GTPBP8: variants seen among roughly 807,000 people sequenced by gnomAD.
GTPBP8 encodes the protein GTP binding protein 8, also known as GTP-binding protein 8.
GTPBP8 carries 21 observed loss-of-function variants against 27.3 expected under a neutral mutation model. The ratio of observed to expected loss-of-function variants is 0.77; its 90% confidence interval spans 0.55 to 1.11. The LOEUF (loss-of-function observed/expected upper bound fraction) is 1.11, where lower values mean the gene tolerates loss of function less well. GTPBP8 is among the 50% of genes least tolerant of loss of function. The pLI is 0.00. For synonymous variants in GTPBP8, 147 were observed against 135.3 expected (o/e 1.09, Z -0.60); for missense variants, 380 against 350.8 (o/e 1.08, Z -0.67).
chr3:112,997,555 CATTA>C (rs1387828798), intron 4 of GTPBP8, among the ~76,000 whole-genome samples: 2 of 152,196 alleles, frequency 1.3e-5, no homozygotes, highest in Admixed American at 6.5e-5. Context: ...TTGGTATCCA[CATTA>C]ATTTTGCTTT....
intron 1 of GTPBP8, 145 bp from the exon 2 acceptor site, chr3:112,992,881 A>G (rs554584779): frequency 1.1e-4 from 57 of 528,658 alleles, no homozygotes; most frequent in African/African-American, 1.1e-3. Context: ...GAATAAGAAA[A>G]TATATGCTGA....
chr3:112,994,530 A>G, intron 2 of GTPBP8, among the ~76,000 whole-genome samples: 1 of 152,190 alleles, frequency 6.6e-6, no homozygotes. Context: ...CTGTGCATCA[A>G]TTTTAGTTGC....
At chr3:112,997,051 G>A in intron 4 of GTPBP8, 60 bp downstream of exon 4, 1 of 785,218 alleles carries the variant, frequency 1.3e-6, no homozygotes, top group South Asian at 1.4e-5. Flanking sequence ...GTGCATCTGT[G>A]TGAACATGCA....
In GTPBP8 at chr3:112,994,580, A is replaced by G. The variant is rs142635582; in HGVS notation, c.436-555A>G. On this transcript the variant is annotated intron_variant, in intron 2 of 5. Coordinates refer to ENST00000383678, the MANE Select transcript of GTPBP8 (RefSeq NM_014170.4). The stretch of plus-strand genomic sequence containing the variant: ...ATTATCATGTTGTATATGCAGTAAA[A>G]AATTGTTTAATAAAAGCACTAAAAT... Among the ~76,000 whole-genome samples, 10 of 152,352 alleles carry G rather than the reference A, an allele frequency of 6.6e-5. No homozygotes were observed. The East Asian group carries it at 1.9e-3, about 29-fold the overall frequency.
chr3:113,000,534 G>C (rs1040442592), intron 5 of GTPBP8, among the ~76,000 whole-genome samples: 3 of 152,070 alleles, frequency 2.0e-5, no homozygotes, highest in Non-Finnish European at 2.9e-5. Flanking sequence ...AACCTAAAAA[G>C]TCTAACAAGG....
chr3:112,994,359 G>A (rs1333408466), intron 2 of GTPBP8, among the ~76,000 whole-genome samples: 1 of 151,378 alleles, frequency 6.6e-6, no homozygotes, highest in Admixed American at 6.6e-5. Context: ...GGAGGTGGAG[G>A]TTGCGGTGAG....
intron 1 of GTPBP8, among the ~76,000 whole-genome samples, chr3:112,992,789 G>A (rs41271347): frequency 3.9e-5 from 6 of 152,262 alleles, no homozygotes; most frequent in African/African-American, 4.8e-5. Flanking sequence ...TCACTTTCTA[G>A]CTGTATAATT....
At chr3:112,994,438 A>AG (rs1933747048) in intron 2 of GTPBP8, among the ~76,000 whole-genome samples, 1 of 152,126 alleles carries the variant, frequency 6.6e-6, no homozygotes, top group African/African-American at 2.4e-5. Context: ...AAAAAAAAAA[A>AG]AAAGTTGCCT....
rs1415040788 is a variant in GTPBP8 at position 112,991,174 on chromosome 3, G to GC, written c.180dup (p.Tyr61LeufsTer12). On this transcript the variant is annotated frameshift_variant, in exon 1 of 6. Coordinates refer to ENST00000383678, the MANE Select transcript of GTPBP8 (RefSeq NM_014170.4). LOFTEE classifies it high-confidence loss of function. ...GCTGCAGGAAGTAGAGCGGTTCCTC[G>GC]CCCCCTACGGGAGGCAAGACCTTCA... 3 of 1,614,138 alleles carry GC rather than the reference G, an allele frequency of 1.9e-6. No individual in the cohort carries two copies. The highest frequency in any genetic ancestry group is 2.5e-6 in the Non-Finnish European group (3 of 1,180,012).
chr3:112,999,222 G>A (rs1342088155), intron 4 of GTPBP8, among the ~76,000 whole-genome samples: 1 of 152,166 alleles, frequency 6.6e-6, no homozygotes, highest in Admixed American at 6.5e-5. Flanking sequence ...GCACCATTAA[G>A]CAGCAGACAT....
At chr3:112,993,455 T>C (rs1376387603) in intron 2 of GTPBP8, among the ~76,000 whole-genome samples, 1 of 152,244 alleles carries the variant, frequency 6.6e-6, no homozygotes, top group Non-Finnish European at 1.5e-5. Flanking sequence ...GTACGGTAAA[T>C]GGCTTTTAGG....
intron 4 of GTPBP8, 65 bp from the exon 5 acceptor site, chr3:112,999,381 C>A: frequency 1.7e-6 from 1 of 576,042 alleles, no homozygotes. Context: ...AAAATTATAG[C>A]TAAAATGTGT....
chr3:112,999,256 A>T (rs1430421187), intron 4 of GTPBP8, among the ~76,000 whole-genome samples, 190 bp from the exon 5 acceptor site: 1 of 152,192 alleles, frequency 6.6e-6, no homozygotes, highest in East Asian at 1.9e-4. Flanking sequence ...GATGTGTTTC[A>T]CACATTTGCT....
At chr3:112,991,711 C>G (rs1269488741) in intron 1 of GTPBP8, 1 of 400,940 alleles carries the variant, frequency 2.5e-6, no homozygotes, top group South Asian at 2.0e-5. Context: ...CTCCTTTTTT[C>G]TTCTATTTAA....
chr3:112,999,462 T>C lies in GTPBP8; in HGVS notation c.683T>C (p.Ile228Thr), dbSNP rs556982832. 1.4e-5 allele frequency: 20 copies of C among 1,450,870 alleles called. 1 individual carries two copies. The East Asian group carries it at 4.1e-4, about 30-fold the overall frequency. The allele number at this position is 1,450,870 out of a possible 1,614,324, so 89.9% of individuals were successfully genotyped here. Residue 228 changes from isoleucine (I) to threonine (T), a missense_variant, in exon 5 of 6, where the codon ATT (isoleucine) becomes ACT (threonine). Transcript: ENST00000383678. ...TTCTTATAGATTGTATTAACAAAAA[T>C]TGACAAATCTTCCAAGGGACATCTT... ...ALPYVIVLTKIDKSSKGHLLK... is the reference protein window; with the variant it reads ...ALPYVIVLTKTDKSSKGHLLK...
intron 5 of GTPBP8, among the ~76,000 whole-genome samples, 170 bp downstream of exon 5, chr3:112,999,734 A>G (rs532907822): frequency 2.0e-5 from 3 of 152,172 alleles, no homozygotes; most frequent in African/African-American, 7.2e-5. Flanking sequence ...AGCAGTGTAC[A>G]CTGTACCCTA....
rs1390201741 is a variant in GTPBP8, at chr3:113,000,934, G to C, written c.*15G>C. 3.6e-6 allele frequency: 5 copies of C among 1,381,010 alleles called. No individual in the cohort carries two copies. In the South Asian group the frequency reaches 3.8e-5, roughly 10 times the overall value. 85.5% of individuals were successfully genotyped at this position (1,381,010 alleles called of 1,614,324 possible). ...GTCTTGACTAATGGTTCCCGGTTTA[G>C]CTGAAGATTCAAAAAAAAAAAAAAA... On this transcript the variant is annotated 3_prime_UTR_variant, in exon 6 of 6. Transcript: ENST00000383678.
Position 112,991,287 on chromosome 3 carries a change from C to T in GTPBP8, c.288C>T (p.Val96=), listed in dbSNP as rs968673054. 3 of 1,613,212 alleles carry T rather than the reference C, an allele frequency of 1.9e-6. No homozygotes were observed. Among genetic ancestry groups the T allele is most frequent in the African/African-American group, 2.7e-5 (2 of 74,938 alleles). Residue 96 remains valine, a synonymous_variant, in exon 1 of 6, where the codon GTC becomes GTT. Coordinates refer to ENST00000383678, the MANE Select transcript of GTPBP8 (RefSeq NM_014170.4). ...CTGAACGGAACCGCATCGACTACGT[C>T]AGCTCCGCCGTCCGTATCGACCACG... ...TATERNRIDY[V]SSAVRIDHAP...
intron 4 of GTPBP8, among the ~76,000 whole-genome samples, chr3:112,998,560 G>A (rs1933830609): frequency 6.6e-6 from 1 of 151,950 alleles, no homozygotes; most frequent in African/African-American, 2.4e-5. Context: ...CTTCCCCCAG[G>A]GTATGAGGTG....
Sources: gnomAD v4.1 joint callset for allele counts (sites outside exome capture counted in the v4.1 genomes callset) on GRCh38, gnomAD v4.1.1 for gene constraint, MANE v1.5 for transcripts, NCBI Gene and HGNC (gene_info 2026-07-23, HGNC 2026-07-21) for gene names.